PLXNA4: variants seen among roughly 807,000 people sequenced by gnomAD.
The protein encoded by PLXNA4 is plexin A4.
A neutral mutation model predicts 191.8 loss-of-function variants in PLXNA4; 44 were observed. The ratio of observed to expected loss-of-function variants is 0.23; its 90% CI spans 0.18 to 0.29. The LOEUF (loss-of-function observed/expected upper bound fraction) is 0.29, where lower values mean the gene tolerates loss of function less well. Among genes scored for constraint, PLXNA4 ranks in the 10% least tolerant of loss-of-function variants. The pLI is 1.00. For synonymous variants in PLXNA4, 1,082 were observed against 1,009.5 expected (o/e 1.07, Z -1.36); for missense variants, 1,800 against 2,488.8 (o/e 0.72, Z 5.89).
intron 3 of PLXNA4, among the ~76,000 whole-genome samples, chr7:132,461,714 G>A (rs1223033585): frequency 6.6e-6 from 1 of 152,216 alleles, no homozygotes; most frequent in East Asian, 1.9e-4. Flanking sequence ...AATCCAACGG[G>A]CCTCAGGCTC....
At chr7:132,374,450 G>A (rs927233221) in intron 3 of PLXNA4, among the ~76,000 whole-genome samples, 1 of 152,154 alleles carries the variant, frequency 6.6e-6, no homozygotes, top group African/African-American at 2.4e-5. Context: ...CTAGCTGTTG[G>A]GAGATGCCAG....
At chr7:132,394,719 A>G (rs146244973) in intron 3 of PLXNA4, among the ~76,000 whole-genome samples, 6 of 152,336 alleles carry the variant, frequency 3.9e-5, no homozygotes, top group African/African-American at 1.4e-4. Context: ...CCAGGAAGAA[A>G]TCATGAGAAT....
chr7:132,326,484 C>G (rs537418701), intron 3 of PLXNA4, among the ~76,000 whole-genome samples: 1 of 152,126 alleles, frequency 6.6e-6, no homozygotes. Flanking sequence ...GTCTGGCCCC[C>G]TCTCTGTCCT....
intron 3 of PLXNA4, among the ~76,000 whole-genome samples, chr7:132,315,125 A>T (rs1353901502): frequency 6.6e-6 from 1 of 152,060 alleles, no homozygotes; most frequent in Non-Finnish European, 1.5e-5. Context: ...CCAGGGGAGG[A>T]TGTGTGAGCA....
chr7:132,467,490 C>G (rs570402104), intron 3 of PLXNA4, among the ~76,000 whole-genome samples: 2 of 152,176 alleles, frequency 1.3e-5, no homozygotes, highest in Non-Finnish European at 2.9e-5. Flanking sequence ...GTCTGCTCAC[C>G]AATGGTACTC....
upstream of PLXNA4, among the ~76,000 whole-genome samples, chr7:132,579,221 G>T (rs1322614318): frequency 1.3e-5 from 2 of 152,216 alleles, no homozygotes; most frequent in Non-Finnish European, 2.9e-5. Flanking sequence ...TCCCTAATGG[G>T]TTACTTAAGG....
rs151334102 is a variant in PLXNA4 at position 132,264,959 on chromosome 7, G to C, written c.1504-23793C>G. ...GTGATCTGCCTTGGCTTCCCAAAGG[G>C]CTGGGATTACAGGCATGAGCCACTG... On this transcript the variant is annotated intron_variant, in intron 4 of 31. Coordinates refer to ENST00000321063, the MANE Select transcript of PLXNA4 (RefSeq NM_020911.2). 9.9e-5 allele frequency among the ~76,000 whole-genome samples: 15 copies of C among 152,280 alleles called. No homozygotes were observed. In the East Asian group the frequency reaches 2.9e-3, roughly 29 times the overall value.
chr7:132,448,975 CAA>C (rs1442797254), intron 3 of PLXNA4, among the ~76,000 whole-genome samples: 1 of 152,158 alleles, frequency 6.6e-6, no homozygotes, highest in Non-Finnish European at 1.5e-5. Context: ...ATTAATGTTA[CAA>C]CAGGTAATGA....
intron 3 of PLXNA4, among the ~76,000 whole-genome samples, chr7:132,415,533 T>C (rs1017191844): frequency 3.9e-5 from 6 of 152,160 alleles, no homozygotes; most frequent in Non-Finnish European, 7.4e-5. Flanking sequence ...GGAGACGGTA[T>C]TGTCTCCATA....
At chr7:132,186,662 G>A (rs935867748) in intron 15 of PLXNA4, among the ~76,000 whole-genome samples, 1 of 152,192 alleles carries the variant, frequency 6.6e-6, no homozygotes, top group Non-Finnish European at 1.5e-5. Flanking sequence ...TTCTGACATA[G>A]AAAAATTATC....
intron 2 of PLXNA4, among the ~76,000 whole-genome samples, chr7:132,622,406 T>C (rs1280760408): frequency 1.3e-5 from 2 of 152,194 alleles, no homozygotes; most frequent in African/African-American, 2.4e-5. Context: ...GTGGTGAGGA[T>C]TAGCTCATTA....
At chr7:132,571,255 C>T (rs973008045) in intron 1 of PLXNA4, among the ~76,000 whole-genome samples, 1 of 152,198 alleles carries the variant, frequency 6.6e-6, no homozygotes, top group African/African-American at 2.4e-5. Flanking sequence ...CTTTTTGCAT[C>T]AGGATGTAAT....
chr7:132,248,881 TA>T (rs1230703598), intron 4 of PLXNA4, among the ~76,000 whole-genome samples: 3 of 151,952 alleles, frequency 2.0e-5, no homozygotes, highest in Non-Finnish European at 2.9e-5. Flanking sequence ...TTGGCAGCAG[TA>T]AAAACTCCTT....
rs1562909081 is a variant in PLXNA4, at chr7:132,189,021, A to G, written c.2857-1414T>C. 1.1e-3 allele frequency among the ~76,000 whole-genome samples: 93 copies of G among 88,036 alleles called. 5 individuals are homozygous for G. The highest frequency in any genetic ancestry group is 3.7e-3 in the African/African-American group (73 of 19,610). 57.8% of individuals were successfully genotyped at this position (88,036 alleles called of 152,430 possible). ...GAGAGAGAGAGAGAGAGAGAGAGAG[A>G]GAGAGAGAAAGAGAGAGAGAGAGAG... On this transcript the variant is annotated intron_variant, in intron 14 of 31. Transcript: ENST00000321063.
intron 1 of PLXNA4, among the ~76,000 whole-genome samples, chr7:132,524,645 G>A (rs1404139608): frequency 5.3e-5 from 8 of 151,968 alleles, no homozygotes; most frequent in Non-Finnish European, 2.9e-5. Flanking sequence ...GCATGATCTC[G>A]GCTCACTACA....
chr7:132,606,863 C>T (rs532777117), intron 2 of PLXNA4, among the ~76,000 whole-genome samples: 1 of 152,324 alleles, frequency 6.6e-6, no homozygotes, highest in South Asian at 2.1e-4. Flanking sequence ...CCTTCAACTT[C>T]AGTAGAAGCA....
At chr7:132,244,610 T>G (rs1054531320) in intron 4 of PLXNA4, among the ~76,000 whole-genome samples, 2 of 152,314 alleles carry the variant, frequency 1.3e-5, no homozygotes, top group Middle Eastern at 3.4e-3. Context: ...ATTTGAGAGC[T>G]AGGTGCCACC....
intron 3 of PLXNA4, among the ~76,000 whole-genome samples, chr7:132,459,930 C>T (rs1178698831): frequency 6.6e-6 from 1 of 152,042 alleles, no homozygotes; most frequent in African/African-American, 2.4e-5. Flanking sequence ...CCCACCCCGC[C>T]CCTTCTCTTC....
intron 2 of PLXNA4, among the ~76,000 whole-genome samples, chr7:132,492,385 G>A (rs1167004240): frequency 6.6e-6 from 1 of 152,164 alleles, no homozygotes; most frequent in Non-Finnish European, 1.5e-5. Context: ...CATTTGGCTG[G>A]TTACATCATT....
Sources: allele counts gnomAD v4.1 joint callset (sites outside exome capture counted in the v4.1 genomes callset), GRCh38; gene constraint gnomAD v4.1.1; transcripts MANE v1.5; gene names NCBI Gene and HGNC (gene_info 2026-07-23, HGNC 2026-07-21).